DCAF6: variants seen among roughly 807,000 people sequenced by gnomAD.
DCAF6 encodes DDB1 and CUL4 associated factor 6, also known as DDB1- and CUL4-associated factor 6.
A neutral mutation model predicts 125.1 loss-of-function variants in DCAF6; 54 were observed. The ratio of observed to expected loss-of-function variants is 0.43; its 90% CI spans 0.35 to 0.54. DCAF6 has a LOEUF of 0.54. DCAF6 is among the 20% of genes least tolerant of loss of function. DCAF6 has a pLI of 0.01. For missense variants in DCAF6, 934 were observed against 1,161.7 expected (o/e 0.80, Z 2.85); for synonymous variants, 371 against 390.4 (o/e 0.95, Z 0.58).
chr1:168,009,888 A>G (rs1309932549), intron 10 of DCAF6, among the ~76,000 whole-genome samples: 4 of 137,008 alleles, frequency 2.9e-5, no homozygotes, highest in Non-Finnish European at 3.1e-5. Flanking sequence ...GATATTGTCT[A>G]TCTTGTTGTC....
chr1:168,055,290 C>G (rs1196501333), intron 17 of DCAF6, among the ~76,000 whole-genome samples: 1 of 129,804 alleles, frequency 7.7e-6, no homozygotes, highest in Non-Finnish European at 1.6e-5. Context: ...TTTGTAAGAA[C>G]CTAGATCTTC....
At chr1:167,957,074 T>G (rs1425851854) in intron 2 of DCAF6, among the ~76,000 whole-genome samples, 1 of 151,870 alleles carries the variant, frequency 6.6e-6, no homozygotes, top group African/African-American at 2.4e-5. Context: ...GTCCATGTGC[T>G]GACATGTTGA....
chr1:168,068,407 C>A lies in DCAF6; in HGVS notation c.2735C>A (p.Thr912Lys). The part of the protein sequence containing the change: ...LMLEETRNTI[T>K]VPASFMLRML... Reference sequence around the variant, plus strand: ...CTGGAAGAAACTAGAAACACCATTACAGTTCCAGCCTCTTTCATGTTGAGG... The same window carrying A: ...CTGGAAGAAACTAGAAACACCATTAAAGTTCCAGCCTCTTTCATGTTGAGG... Residue 912 changes from threonine (T) to lysine (K), a missense_variant, in exon 21 of 22, where the codon ACA becomes AAA. Thr to Lys is a moderately conservative substitution (Grantham distance 78, BLOSUM62 -1). Around this residue, in one of 5 missense-constraint regions of DCAF6, gnomAD observed 27 missense variants for 85.1 expected, o/e 0.32. Transcript: ENST00000367840. The A allele has an allele frequency of 1.3e-6, 2 of 1,588,092 alleles. No individual in the cohort carries two copies. Among genetic ancestry groups the A allele is most frequent in the Non-Finnish European group, 1.7e-6 (2 of 1,166,174 alleles).
At chr1:168,042,855 AG>A in intron 13 of DCAF6, 169 bp from the exon 14 acceptor site, 1 of 520,226 alleles carries the variant, frequency 1.9e-6, no homozygotes, top group South Asian at 3.0e-5. Flanking sequence ...GTGTTATGAT[AG>A]TCATCTTGAT....
chr1:167,885,844 G>T, the DCAF6 span, among the ~76,000 whole-genome samples: 1 of 152,156 alleles, frequency 6.6e-6, no homozygotes, highest in South Asian at 2.1e-4. Context: ...TTGAACTCCT[G>T]ATCTCGTGAC....
intron 21 of DCAF6, among the ~76,000 whole-genome samples, chr1:168,075,072 G>A (rs767429668): frequency 2.6e-5 from 4 of 152,136 alleles, no homozygotes; most frequent in Non-Finnish European, 4.4e-5. Context: ...AGCACCTGAT[G>A]TACCTCCTTA....
At chr1:167,865,380 A>G in the DCAF6 span, among the ~76,000 whole-genome samples, 3 of 152,348 alleles carry the variant, frequency 2.0e-5, no homozygotes, top group East Asian at 5.8e-4. Flanking sequence ...TAAAAATGCA[A>G]CAGGTTTTTC....
chr1:168,042,317 C>G (rs192712391), intron 13 of DCAF6, among the ~76,000 whole-genome samples: 2 of 152,128 alleles, frequency 1.3e-5, no homozygotes, highest in East Asian at 3.9e-4. Flanking sequence ...TACATGTCCT[C>G]TTTCTCATTC....
chr1:167,875,432 G>A, the DCAF6 span, among the ~76,000 whole-genome samples: 3 of 141,792 alleles, frequency 2.1e-5, no homozygotes, highest in African/African-American at 8.1e-5. Flanking sequence ...AATAAATGCT[G>A]TTGAGTCTGC....
chr1:167,918,065 G>T, the DCAF6 span: 1 of 334,418 alleles, frequency 3.0e-6, no homozygotes. Context: ...AGGAGGCAGG[G>T]GGTATATACG....
At chr1:167,992,399 A>G (rs1680981109) in intron 6 of DCAF6, among the ~76,000 whole-genome samples, 1 of 152,196 alleles carries the variant, frequency 6.6e-6, no homozygotes, top group South Asian at 2.1e-4. Context: ...AGATGGGAAT[A>G]CCAGATGAGA....
At chr1:168,018,685 CTAGGAAATACACCACAACTCATT>C in intron 11 of DCAF6, among the ~76,000 whole-genome samples, 1 of 152,252 alleles carries the variant, frequency 6.6e-6, no homozygotes, top group African/African-American at 2.4e-5. Context: ...TATATCTTTT[CTAGGAAATACACCACAACTCATT>C]TAGGAAATAC....
the DCAF6 span, among the ~76,000 whole-genome samples, chr1:167,892,617 T>TA: frequency 6.6e-6 from 1 of 152,170 alleles, no homozygotes; most frequent in Non-Finnish European, 1.5e-5. Context: ...GTGACTTTTT[T>TA]AAGCTTCAAA....
the DCAF6 span, among the ~76,000 whole-genome samples, chr1:167,881,031 T>C: frequency 6.6e-6 from 1 of 152,190 alleles, no homozygotes; most frequent in Non-Finnish European, 1.5e-5. Flanking sequence ...TATTACAATC[T>C]AGGAACTTCC....
intron 12 of DCAF6, among the ~76,000 whole-genome samples, chr1:168,028,884 G>A (rs1686690939): frequency 6.6e-6 from 1 of 151,992 alleles, no homozygotes; most frequent in Non-Finnish European, 1.5e-5. Flanking sequence ...AAGAATATAA[G>A]TTCAGTATTC....
the DCAF6 span, among the ~76,000 whole-genome samples, chr1:167,902,352 G>A: frequency 1.3e-5 from 2 of 152,146 alleles, no homozygotes; most frequent in South Asian, 2.1e-4. Context: ...CTCCTCCCAC[G>A]ATAATGGAAT....
At chr1:167,871,222 T>C in the DCAF6 span, among the ~76,000 whole-genome samples, 1 of 152,168 alleles carries the variant, frequency 6.6e-6, no homozygotes. Context: ...TAAAGGAAAT[T>C]TGCCCTCTGT....
the DCAF6 span, among the ~76,000 whole-genome samples, chr1:167,884,028 G>T: frequency 1.3e-5 from 2 of 152,096 alleles, no homozygotes; most frequent in African/African-American, 4.8e-5. Context: ...TTTGATACAG[G>T]CATGCAATGC....
At chr1:168,051,569 A>G (rs1689945661) in intron 17 of DCAF6, among the ~76,000 whole-genome samples, 2 of 152,224 alleles carry the variant, frequency 1.3e-5, no homozygotes, top group African/African-American at 4.8e-5. Flanking sequence ...ACTTAACTCT[A>G]GAGGCATATA....
Sources: gnomAD v4.1 joint callset for allele counts (sites outside exome capture counted in the v4.1 genomes callset) on GRCh38, gnomAD v4.1.1 for gene constraint, gnomAD v4.1.1 regional missense constraint, MANE v1.5 for transcripts, NCBI Gene and HGNC (gene_info 2026-07-23, HGNC 2026-07-21) for gene names.